TTC39B: variants seen among roughly 807,000 people sequenced by gnomAD.
The protein encoded by TTC39B is tetratricopeptide repeat domain 39B, also known as tetratricopeptide repeat protein 39B.
Under a neutral mutation model 96.6 loss-of-function variants are expected in TTC39B, and 92 were observed. The ratio of observed to expected loss-of-function variants is 0.95; its 90% CI spans 0.80 to 1.13. The LOEUF is 1.13. Among genes scored for constraint, TTC39B ranks in the 50% most tolerant of loss-of-function variants. The pLI is 0.00. For synonymous variants in TTC39B, 367 were observed against 299.4 expected (o/e 1.23, Z -2.33); for missense variants, 955 against 809.3 (o/e 1.18, Z -2.18).
intron 2 of TTC39B, among the ~76,000 whole-genome samples, chr9:15,236,132 A>G (rs1821769123): frequency 6.6e-6 from 1 of 152,222 alleles, no homozygotes; most frequent in Admixed American, 6.5e-5. Flanking sequence ...GAAGACATAA[A>G]ATGAGAATGG....
In TTC39B at chr9:15,177,679, T is replaced by G; in HGVS notation, c.1841+18A>C. 6.4e-7 allele frequency: 1 copy of G among 1,561,996 alleles called. No homozygotes were observed. The highest frequency in any genetic ancestry group is 8.7e-7 in the Non-Finnish European group (1 of 1,146,130). ...AACCACAATTTGCACTTGGGCTGGT[T>G]TTATTGTTTGGTCTTACCTTTCCAC... is the stretch of plus-strand genomic sequence containing the variant. On this transcript the variant is annotated intron_variant, in intron 18 of 19. Coordinates refer to ENST00000512701, the Ensembl canonical transcript of TTC39B.
intron 4 of TTC39B, 73 bp from the exon 5 acceptor site, chr9:15,211,470 C>T: frequency 9.2e-6 from 12 of 1,299,094 alleles, no homozygotes; most frequent in Non-Finnish European, 1.2e-5. Context: ...CTAGTAAATG[C>T]ATGTCCTGAC....
At chr9:15,190,588 G>C in exon 11 of TTC39B, 1 of 1,614,156 alleles carries the variant, frequency 6.2e-7, no homozygotes. Context: ...GAAAAGCTAA[G>C]ATGGTTAAGC....
exon 4 of TTC39B, chr9:15,214,159 G>A (rs368119424): frequency 6.2e-7 from 1 of 1,613,830 alleles, no homozygotes; most frequent in Non-Finnish European, 8.5e-7. Context: ...GCAATTCTAA[G>A]GCGTCTGTAA....
At position 15,189,430 on chromosome 9, in the gene TTC39B, G is replaced by C. The variant is rs111659980; in HGVS notation, c.1233+144C>G. 2,253 of 719,796 alleles carry C rather than the reference G, an allele frequency of 3.1e-3. 38 individuals carry two copies. In the African/African-American group the frequency reaches 0.037, roughly 12 times the overall value. 44.6% of individuals were successfully genotyped at this position (719,796 alleles called of 1,614,324 possible). On this transcript the variant is annotated intron_variant, in intron 13 of 19. Transcript: ENST00000512701. Reference sequence around the variant, plus strand: ...ATGTATATACAAGTTAAAAGTTTTGGCTTTTTACTTATATATTTTTTTCTT... The same window carrying C: ...ATGTATATACAAGTTAAAAGTTTTGCCTTTTTACTTATATATTTTTTTCTT...
chr9:15,175,120 C>G, exon 19 of TTC39B: 1 of 1,611,984 alleles, frequency 6.2e-7, no homozygotes, highest in Non-Finnish European at 8.5e-7. Flanking sequence ...AGTGGTCATA[C>G]TTCAGTAGCT....
intron 8 of TTC39B, among the ~76,000 whole-genome samples, chr9:15,196,447 T>G (rs910241571): frequency 2.0e-5 from 3 of 152,290 alleles, no homozygotes; most frequent in Middle Eastern, 3.4e-3. Context: ...TAACAGGAGT[T>G]TGGAAGAAGT....
At chr9:15,249,963 T>C (rs1459770605) in intron 2 of TTC39B, 1 of 1,288,368 alleles carries the variant, frequency 7.8e-7, no homozygotes, top group Non-Finnish European at 1.0e-6. Context: ...ATAGTCCCAC[T>C]ATGAAGATGT....
chr9:15,281,093 T>C (rs746614456), intron 1 of TTC39B, among the ~76,000 whole-genome samples: 2 of 152,154 alleles, frequency 1.3e-5, no homozygotes, highest in African/African-American at 2.4e-5. Context: ...CTAGCCCAGA[T>C]GTCCTTTTAT....
chr9:15,287,188 AG>A (rs1486219156), intron 1 of TTC39B, among the ~76,000 whole-genome samples: 3 of 152,216 alleles, frequency 2.0e-5, no homozygotes, highest in Non-Finnish European at 4.4e-5. Flanking sequence ...AAATGCTTGG[AG>A]GGGAGCCCAA....
intron 8 of TTC39B, among the ~76,000 whole-genome samples, chr9:15,196,684 C>G (rs112280809): frequency 6.6e-6 from 1 of 152,240 alleles, no homozygotes; most frequent in Non-Finnish European, 1.5e-5. Flanking sequence ...AAAGATGCCA[C>G]AAACATTGTT....
intron 3 of TTC39B, among the ~76,000 whole-genome samples, chr9:15,214,941 G>C (rs1368347627): frequency 6.6e-6 from 1 of 152,158 alleles, no homozygotes; most frequent in East Asian, 1.9e-4. Flanking sequence ...TGAGCAGTAG[G>C]ATGATTTGGC....
chr9:15,233,907 T>G (rs1821598194), intron 2 of TTC39B, among the ~76,000 whole-genome samples: 1 of 148,794 alleles, frequency 6.7e-6, no homozygotes, highest in African/African-American at 2.5e-5. Flanking sequence ...ATCTAGGAAG[T>G]GAGGAGCGCC....
At chr9:15,219,963 TC>T (rs1415186374) in intron 3 of TTC39B, among the ~76,000 whole-genome samples, 1 of 152,122 alleles carries the variant, frequency 6.6e-6, no homozygotes, top group African/African-American at 2.4e-5. Flanking sequence ...TATAATACAT[TC>T]TCCAACATAG....
At chr9:15,277,342 T>A (rs12349889) in intron 1 of TTC39B, among the ~76,000 whole-genome samples, 2,592 of 152,160 alleles carry the variant, frequency 0.017, 77 homozygotes, top group African/African-American at 0.06. Context: ...GCAGGAGAAT[T>A]GCTTGAACCC....
At chr9:15,217,067 G>C in intron 3 of TTC39B, among the ~76,000 whole-genome samples, 1 of 152,072 alleles carries the variant, frequency 6.6e-6, no homozygotes, top group African/African-American at 2.4e-5. Flanking sequence ...GGCAGAGGGG[G>C]GATTCTAAAC....
chr9:15,291,872 G>A (rs907431194), intron 1 of TTC39B, among the ~76,000 whole-genome samples: 1 of 152,184 alleles, frequency 6.6e-6, no homozygotes, highest in Admixed American at 6.5e-5. Context: ...AGACACAGTG[G>A]AGTTCTGCCA....
At chr9:15,291,315 A>G (rs1724647791) in intron 1 of TTC39B, among the ~76,000 whole-genome samples, 3 of 152,218 alleles carry the variant, frequency 2.0e-5, no homozygotes, top group Non-Finnish European at 4.4e-5. Context: ...GTGATGGTGA[A>G]TAAGTCTCAT....
intron 7 of TTC39B, among the ~76,000 whole-genome samples, 199 bp downstream of exon 7, chr9:15,203,624 T>C (rs1292545462): frequency 1.3e-5 from 2 of 152,094 alleles, no homozygotes; most frequent in African/African-American, 4.8e-5. Context: ...CAATTTGAAA[T>C]AGATTCTTAA....
Sources: gnomAD v4.1 joint callset for allele counts (sites outside exome capture counted in the v4.1 genomes callset) on GRCh38, gnomAD v4.1.1 for gene constraint, MANE v1.5 for transcripts, NCBI Gene and HGNC (gene_info 2026-07-23, HGNC 2026-07-21) for gene names.